The following SEMA3D variants were observed in gnomAD, a reference collection of about 807,000 sequenced individuals.
SEMA3D encodes semaphorin-3D.
A neutral mutation model predicts 100.1 loss-of-function variants in SEMA3D; 84 were observed. That is an observed-to-expected ratio of 0.84 (90% CI 0.70 to 1.01). The LOEUF is 1.01. Among genes scored for constraint, SEMA3D ranks in the 50% least tolerant of loss-of-function variants. The probability of loss-of-function intolerance (pLI) is 0.00; values close to 1 mark genes in which losing one functional copy is unlikely to be tolerated. For missense variants in SEMA3D, 875 were observed against 934.1 expected (o/e 0.94, Z 0.82); for synonymous variants, 312 against 320.7 (o/e 0.97, Z 0.29).
chr7:85,201,069 C>T, the SEMA3D span, among the ~76,000 whole-genome samples: 2 of 152,140 alleles, frequency 1.3e-5, no homozygotes, highest in Non-Finnish European at 2.9e-5. Context: ...TTTCTTTGTT[C>T]CACAGTATCC....
At chr7:85,140,157 TA>T (rs1484653089) in intron 2 of SEMA3D, 1 of 417,934 alleles carries the variant, frequency 2.4e-6, no homozygotes, top group East Asian at 1.6e-4. Context: ...TTACTAATAT[TA>T]AAAAATTAAG....
At chr7:85,072,094 G>A (rs1420697111) in intron 6 of SEMA3D, among the ~76,000 whole-genome samples, 1 of 152,194 alleles carries the variant, frequency 6.6e-6, no homozygotes, top group Admixed American at 6.5e-5. Flanking sequence ...TATTAAGAGT[G>A]TTGTGAAATT....
In SEMA3D at chr7:85,036,941, T is replaced by C. The variant is rs764213831; in HGVS notation, c.1139A>G (p.Asp380Gly). Reference protein sequence around the residue: ...NGPYAHKESADHRWVQYDGRI... With the variant: ...NGPYAHKESAGHRWVQYDGRI... The stretch of plus-strand genomic sequence containing the variant: ...CCCATCATACTGCACCCAACGATGG[T>C]CTGCACTTTCCTTATGAGCATATGG... Residue 380 changes from aspartate to glycine, a missense_variant, in exon 12 of 19, where the codon GAC becomes GGC. Asp to Gly is a moderately conservative substitution (Grantham distance 94). Transcript: ENST00000284136. 4 of 1,613,420 alleles carry C rather than the reference T, an allele frequency of 2.5e-6. No homozygotes were observed. Among genetic ancestry groups the C allele is most frequent in the Non-Finnish European group, 3.4e-6 (4 of 1,179,538 alleles).
intron 9 of SEMA3D, 89 bp from the exon 10 acceptor site, chr7:85,042,374 T>C (rs1790889315): frequency 3.5e-6 from 3 of 858,928 alleles, no homozygotes; most frequent in Non-Finnish European, 3.8e-6. Context: ...TAGTGTCTTA[T>C]TGATGTCATT....
At chr7:85,229,548 T>C in the SEMA3D span, among the ~76,000 whole-genome samples, 2 of 152,082 alleles carry the variant, frequency 1.3e-5, no homozygotes, top group African/African-American at 2.4e-5. Flanking sequence ...AAATTACATA[T>C]ACTGTTTGTT....
At chr7:85,148,829 A>AT (rs1007958880) in intron 2 of SEMA3D, among the ~76,000 whole-genome samples, 1 of 151,688 alleles carries the variant, frequency 6.6e-6, no homozygotes, top group Non-Finnish European at 1.5e-5. Context: ...GTGTGTGTAG[A>AT]TTTTTTTTGT....
chr7:85,020,636 G>A (rs1790229434), intron 13 of SEMA3D, among the ~76,000 whole-genome samples: 2 of 151,356 alleles, frequency 1.3e-5, no homozygotes, highest in Non-Finnish European at 3.0e-5. Context: ...TAGAGCAAAC[G>A]TTTTGGACCT....
the SEMA3D span, among the ~76,000 whole-genome samples, chr7:85,209,239 C>A: frequency 1.3e-5 from 2 of 151,530 alleles, no homozygotes; most frequent in Non-Finnish European, 2.9e-5. Flanking sequence ...GTAGAATTTT[C>A]AAATATATAT....
At chr7:85,176,068 T>TAA (rs552572308) in intron 1 of SEMA3D, among the ~76,000 whole-genome samples, 1 of 151,426 alleles carries the variant, frequency 6.6e-6, no homozygotes, top group Non-Finnish European at 1.5e-5. Context: ...GATAGAAGTT[T>TAA]AAAAAAAAGA....
chr7:85,178,759 G>A (rs1359017423), intron 1 of SEMA3D, among the ~76,000 whole-genome samples: 1 of 152,130 alleles, frequency 6.6e-6, no homozygotes, highest in East Asian at 1.9e-4. Context: ...GAAGACAATG[G>A]GGAAATGTCT....
chr7:85,150,407 T>C (rs1790343220), intron 2 of SEMA3D, among the ~76,000 whole-genome samples: 1 of 143,898 alleles, frequency 6.9e-6, no homozygotes, highest in Admixed American at 7.2e-5. Flanking sequence ...TACAGGGATA[T>C]ATATATATAC....
intron 11 of SEMA3D, among the ~76,000 whole-genome samples, chr7:85,038,876 T>C (rs1790776153): frequency 6.6e-6 from 1 of 152,216 alleles, no homozygotes; most frequent in Non-Finnish European, 1.5e-5. Flanking sequence ...AGTATTTTGT[T>C]TTCTGATCTA....
At chr7:85,044,400 T>C (rs1790948886) in intron 9 of SEMA3D, among the ~76,000 whole-genome samples, 1 of 152,092 alleles carries the variant, frequency 6.6e-6, no homozygotes, top group Admixed American at 6.6e-5. Context: ...AAACAAAAGA[T>C]ACATTTTCAG....
chr7:85,249,807 A>T, the SEMA3D span, among the ~76,000 whole-genome samples: 5 of 152,202 alleles, frequency 3.3e-5, no homozygotes, highest in Non-Finnish European at 7.3e-5. Flanking sequence ...CTAAAACTGC[A>T]TCTAGAAGTC....
intron 2 of SEMA3D, chr7:85,140,477 G>A: frequency 1.0e-6 from 1 of 981,434 alleles, no homozygotes; most frequent in Admixed American, 6.2e-5. Flanking sequence ...GATATGTACA[G>A]GATCACTTAC....
chr7:85,228,161 A>T, the SEMA3D span, among the ~76,000 whole-genome samples: 1 of 152,150 alleles, frequency 6.6e-6, no homozygotes. Context: ...TTTACTTTTT[A>T]TGTGTTTGTC....
intron 2 of SEMA3D, chr7:85,141,565 T>C (rs920203563): frequency 2.0e-6 from 2 of 984,688 alleles, no homozygotes; most frequent in Non-Finnish European, 2.4e-6. Context: ...TAACTATTAC[T>C]GAAATTTAAA....
intron 11 of SEMA3D, among the ~76,000 whole-genome samples, chr7:85,040,461 A>G (rs1790826062): frequency 6.6e-6 from 1 of 152,062 alleles, no homozygotes; most frequent in African/African-American, 2.4e-5. Flanking sequence ...GGTAATCATT[A>G]TAGCTAATGC....
chr7:85,020,616 G>A (rs960200623), intron 13 of SEMA3D, among the ~76,000 whole-genome samples: 1 of 151,328 alleles, frequency 6.6e-6, no homozygotes, highest in African/African-American at 2.4e-5. Context: ...AATATTGTTT[G>A]AAACGTTAAT....
Sources: gnomAD v4.1 joint callset for allele counts (sites outside exome capture counted in the v4.1 genomes callset) on GRCh38, gnomAD v4.1.1 for gene constraint, MANE v1.5 for transcripts, NCBI Gene and HGNC (gene_info 2026-07-23, HGNC 2026-07-21) for gene names.